The following PLPPR1 variants were observed in gnomAD, a reference collection of about 807,000 sequenced individuals.
The protein encoded by PLPPR1 is phospholipid phosphatase related 1.
In PLPPR1, 10 loss-of-function variants were observed where a neutral mutation model predicts 33.1. The ratio of observed to expected loss-of-function variants is 0.30; its 90% CI spans 0.19 to 0.51. The LOEUF (loss-of-function observed/expected upper bound fraction) is 0.51, where lower values mean the gene tolerates loss of function less well. PLPPR1 is among the 20% of genes least tolerant of loss of function. The pLI is 0.97. For missense variants in PLPPR1, 304 were observed against 408.1 expected, an observed-to-expected ratio of 0.74 and a Z score of 2.20; for synonymous variants, 151 against 151.0, an observed-to-expected ratio of 1.00 and a Z score of 0.00.
At chr9:101,188,301 C>T (rs1050377127) in intron 2 of PLPPR1, among the ~76,000 whole-genome samples, 6 of 152,006 alleles carry the variant, frequency 3.9e-5, no homozygotes, top group African/African-American at 1.4e-4. Context: ...TTACATTTGC[C>T]AGTTGTTTTC....
chr9:101,085,868 G>T (rs188892319), intron 1 of PLPPR1, among the ~76,000 whole-genome samples: 9 of 152,032 alleles, frequency 5.9e-5, no homozygotes, highest in East Asian at 3.9e-4. Flanking sequence ...GACCGGGGGG[G>T]GCTCTACTGT....
intron 1 of PLPPR1, among the ~76,000 whole-genome samples, chr9:101,144,662 A>T (rs1239544176): frequency 7.9e-5 from 12 of 152,178 alleles, no homozygotes; most frequent in African/African-American, 2.9e-4. Context: ...TCTTGAGGCC[A>T]TCCAGTCTGT....
intron 2 of PLPPR1, among the ~76,000 whole-genome samples, chr9:101,226,795 C>A (rs1827079494): frequency 6.6e-6 from 1 of 151,748 alleles, no homozygotes; most frequent in South Asian, 2.1e-4. Context: ...TACTGGTATA[C>A]CTGAAGGGGC....
At chr9:101,178,705 G>A (rs770204825) in intron 1 of PLPPR1, among the ~76,000 whole-genome samples, 3 of 152,174 alleles carry the variant, frequency 2.0e-5, no homozygotes, top group Non-Finnish European at 4.4e-5. Flanking sequence ...CCAACTTGGT[G>A]ACAATACTTT....
chr9:101,124,982 A>G (rs763724830), intron 1 of PLPPR1, among the ~76,000 whole-genome samples: 7 of 152,192 alleles, frequency 4.6e-5, no homozygotes, highest in South Asian at 2.1e-4. Flanking sequence ...GAGCATTTTT[A>G]TCCTTACCTC....
In PLPPR1 at chr9:101,246,961, G is replaced by T. The variant is rs558014649; in HGVS notation, c.64-22919G>T. ...TTCTCCTGGCAGAGGTGCAAGAGCA[G>T]TTATGAACTCTCAAATGCTTCTGCT... On this transcript the variant is annotated intron_variant, in intron 2 of 7. Transcript: ENST00000374874. Among the ~76,000 whole-genome samples, 4 of 152,052 alleles carry T rather than the reference G, an allele frequency of 2.6e-5. No homozygotes were observed. The South Asian group carries it at 8.3e-4, about 32-fold the overall frequency.
intron 2 of PLPPR1, among the ~76,000 whole-genome samples, chr9:101,234,401 T>A (rs983265335): frequency 7.2e-5 from 11 of 151,914 alleles, no homozygotes; most frequent in African/African-American, 2.7e-4. Context: ...CAGAGAACTA[T>A]CTCAATGGCT....
chr9:101,110,238 A>G (rs1360140903), intron 1 of PLPPR1, among the ~76,000 whole-genome samples: 1 of 152,226 alleles, frequency 6.6e-6, no homozygotes, highest in East Asian at 1.9e-4. Context: ...ATTGAGTGAT[A>G]GATCTCACTT....
intron 1 of PLPPR1, among the ~76,000 whole-genome samples, chr9:101,071,124 A>G (rs903303676): frequency 1.3e-5 from 2 of 152,142 alleles, no homozygotes; most frequent in South Asian, 2.1e-4. Context: ...GGGTAAGGCC[A>G]GTTTGGTGAC....
At chr9:101,050,304 A>C (rs1830206022) in intron 1 of PLPPR1, among the ~76,000 whole-genome samples, 1 of 152,136 alleles carries the variant, frequency 6.6e-6, no homozygotes, top group Admixed American at 6.5e-5. Context: ...AAAAACAAAA[A>C]GATGTACATG....
chr9:101,299,708 G>T (rs552571288), intron 4 of PLPPR1, among the ~76,000 whole-genome samples: 1 of 152,300 alleles, frequency 6.6e-6, no homozygotes, highest in South Asian at 2.1e-4. Context: ...GTAGCACTTT[G>T]CAGGTTAGAC....
At chr9:101,111,380 G>A (rs951830554) in intron 1 of PLPPR1, among the ~76,000 whole-genome samples, 18 of 152,108 alleles carry the variant, frequency 1.2e-4, no homozygotes, top group African/African-American at 3.9e-4. Flanking sequence ...TCATAGTTCA[G>A]TAATGCTAAT....
intron 2 of PLPPR1, among the ~76,000 whole-genome samples, chr9:101,202,562 G>A (rs1340397182): frequency 2.6e-5 from 4 of 152,174 alleles, no homozygotes; most frequent in East Asian, 1.9e-4. Context: ...GAAGCCAACC[G>A]TAAAATGAGG....
In PLPPR1 at chr9:101,179,043, TAAG is replaced by T. The variant is rs1425926974; in HGVS notation, c.-45-6403_-45-6401del. ...TTCTCCTACCTTTAAGTCAATGGGCTAAGAAGGGAGTGACAGTATTGGCTGGGA... is the reference window on the plus strand; with the variant it reads ...TTCTCCTACCTTTAAGTCAATGGGCTAAGGGAGTGACAGTATTGGCTGGGA... On this transcript the variant is annotated intron_variant, in intron 1 of 7. Coordinates refer to ENST00000374874, the MANE Select transcript of PLPPR1 (RefSeq NM_207299.2). Among the ~76,000 whole-genome samples the T allele has an allele frequency of 3.9e-5, 6 of 152,292 alleles. No homozygotes were observed. The East Asian group carries it at 1.2e-3, about 29-fold the overall frequency.
At chr9:101,289,733 T>A (rs1050928304) in intron 4 of PLPPR1, among the ~76,000 whole-genome samples, 1 of 152,240 alleles carries the variant, frequency 6.6e-6, no homozygotes, top group Admixed American at 6.5e-5. Flanking sequence ...TCTGCCATGA[T>A]TGTGAGGCTT....
intron 1 of PLPPR1, among the ~76,000 whole-genome samples, chr9:101,069,863 C>T (rs775804799): frequency 6.6e-5 from 10 of 152,010 alleles, no homozygotes; most frequent in Non-Finnish European, 1.5e-4. Flanking sequence ...TCAGCTAACC[C>T]CTAAGGGATT....
intron 1 of PLPPR1, among the ~76,000 whole-genome samples, chr9:101,116,480 ACTGTTGTGGGATATATTG>A (rs1291898721): frequency 6.6e-6 from 1 of 152,150 alleles, no homozygotes; most frequent in Admixed American, 6.6e-5. Flanking sequence ...ATTTTGCTTA[ACTGTTGTGGGATATATTG>A]CTGTTGTACT....
intron 7 of PLPPR1, among the ~76,000 whole-genome samples, chr9:101,323,119 G>A (rs570750849): frequency 4.6e-5 from 7 of 152,196 alleles, no homozygotes; most frequent in South Asian, 2.1e-4. Flanking sequence ...AAAAATGTGC[G>A]GGATGCTAAA....
At chr9:101,227,070 C>T (rs1000230608) in intron 2 of PLPPR1, among the ~76,000 whole-genome samples, 1 of 152,002 alleles carries the variant, frequency 6.6e-6, no homozygotes, top group African/African-American at 2.4e-5. Flanking sequence ...AGCAGCAGAG[C>T]CATGGGAACT....
Sources: gnomAD v4.1 joint callset for allele counts (sites outside exome capture counted in the v4.1 genomes callset) on GRCh38, gnomAD v4.1.1 for gene constraint, MANE v1.5 for transcripts, NCBI Gene and HGNC (gene_info 2026-07-23, HGNC 2026-07-21) for gene names.